The following XDH variants were observed in gnomAD, a reference collection of about 807,000 sequenced individuals.
XDH encodes xanthine dehydrogenase, also known as xanthine dehydrogenase/oxidase.
XDH carries 138 observed loss-of-function variants against 156.1 expected under a neutral mutation model. The ratio of observed to expected loss-of-function variants is 0.88; its 90% CI spans 0.77 to 1.02. XDH has a LOEUF of 1.02. Among genes scored for constraint, XDH ranks in the 50% least tolerant of loss-of-function variants. The pLI is 0.00. For synonymous variants in XDH, 669 were observed against 625.7 expected (o/e 1.07, Z -1.03); for missense variants, 1,849 against 1,684.9 (o/e 1.10, Z -1.71).
intron 24 of XDH, among the ~76,000 whole-genome samples, chr2:31,352,569 G>A (rs1685514162): frequency 6.6e-6 from 1 of 152,094 alleles, no homozygotes. Flanking sequence ...AATTTCTTGA[G>A]GGCAGAAACA....
intron 29 of XDH, 87 bp from the exon 30 acceptor site, chr2:31,346,930 C>T (rs1685312693): frequency 1.9e-6 from 3 of 1,557,514 alleles, no homozygotes; most frequent in Non-Finnish European, 2.7e-6. Context: ...AGCAAGGCTA[C>T]CTCCAAGCAA....
At chr2:31,357,467 C>T (rs1393877887) in intron 24 of XDH, among the ~76,000 whole-genome samples, 1 of 152,048 alleles carries the variant, frequency 6.6e-6, no homozygotes, top group African/African-American at 2.4e-5. Context: ...CGATTCTACA[C>T]ACATGAATTT....
intron 13 of XDH, 61 bp downstream of exon 13, chr2:31,379,806 G>A (rs974784595): frequency 2.0e-6 from 3 of 1,517,616 alleles, no homozygotes; most frequent in Admixed American, 3.3e-5. Flanking sequence ...TGATCTCTTT[G>A]TCTAGAGCCT....
chr2:31,368,519 C>A (rs1197435787), intron 19 of XDH, 22 bp downstream of exon 19: 3 of 1,523,130 alleles, frequency 2.0e-6, no homozygotes, highest in South Asian at 2.2e-5. Context: ...CTCCTCTACA[C>A]AGGCAGCCCA....
intron 6 of XDH, among the ~76,000 whole-genome samples, chr2:31,390,550 A>C (rs1686734436): frequency 6.6e-6 from 1 of 152,224 alleles, no homozygotes; most frequent in East Asian, 1.9e-4. Flanking sequence ...ACTGAGGTGC[A>C]TGATAAGACA....
At chr2:31,373,296 C>T (rs891622729) in intron 16 of XDH, among the ~76,000 whole-genome samples, 7 of 152,118 alleles carry the variant, frequency 4.6e-5, no homozygotes, top group African/African-American at 1.4e-4. Context: ...GTGCAGGGGG[C>T]AGTAAATTGT....
chr2:31,388,220 CACTT>C lies in XDH; in HGVS notation c.564+3_564+6del. 6.2e-7 allele frequency: 1 copy of C among 1,614,164 alleles called. No homozygotes were observed. Among genetic ancestry groups the C allele is most frequent in the Non-Finnish European group, 8.5e-7 (1 of 1,180,006 alleles). On this transcript the variant is annotated splice_donor_5th_base_variant and intron_variant, in intron 7 of 35. Transcript: ENST00000379416. ...CCAGGCTTCCAGGGGGAGAAGAACT[CACTT>C]ACTGAGTGGTCTTTCTTCTGGTTCA...
At position 31,383,488 on chromosome 2, in the gene XDH, C is replaced by A. The variant is rs532901871; in HGVS notation, c.886+267G>T. 5.9e-5 allele frequency among the ~76,000 whole-genome samples: 9 copies of A among 152,292 alleles called. No individual in the cohort carries two copies. The South Asian group carries it at 1.9e-3, about 32-fold the overall frequency. ...CACTCAGGCACAATCCCCACCTCCC[C>A]ACCCCCGCATGAGTGATTCTAATGT... On this transcript the variant is annotated intron_variant, in intron 10 of 35. Transcript: ENST00000379416.
intron 13 of XDH, 60 bp downstream of exon 13, chr2:31,379,807 T>A: frequency 6.6e-7 from 1 of 1,525,018 alleles, no homozygotes; most frequent in South Asian, 1.1e-5. Context: ...GATCTCTTTG[T>A]CTAGAGCCTG....
At chr2:31,409,374 T>C (rs968207190) in intron 1 of XDH, among the ~76,000 whole-genome samples, 2 of 152,238 alleles carry the variant, frequency 1.3e-5, no homozygotes, top group African/African-American at 4.8e-5. Flanking sequence ...ACACATTGCA[T>C]GCCTATATCA....
chr2:31,381,790 C>T, intron 11 of XDH, 64 bp from the exon 12 acceptor site: 3 of 1,459,214 alleles, frequency 2.1e-6, no homozygotes, highest in Admixed American at 3.8e-5. Context: ...ACGTAGCAGG[C>T]TCCTGAACAT....
chr2:31,336,903 T>G (rs1684983089), intron 35 of XDH, among the ~76,000 whole-genome samples: 1 of 148,448 alleles, frequency 6.7e-6, no homozygotes, highest in Non-Finnish European at 1.5e-5. Context: ...TTAAAGCCAC[T>G]GTACAGAGCC....
chr2:31,395,170 GA>G (rs1410669949), intron 6 of XDH, among the ~76,000 whole-genome samples: 1 of 151,926 alleles, frequency 6.6e-6, no homozygotes, highest in Non-Finnish European at 1.5e-5. Flanking sequence ...GTATTGGTAA[GA>G]TATGAAGGAG....
rs906330576 is a variant in XDH, at chr2:31,375,419, C to T, written c.1563G>A (p.Leu521=). 1 of 1,614,192 alleles carries T rather than the reference C, an allele frequency of 6.2e-7. No homozygotes were observed. Among genetic ancestry groups the T allele is most frequent in the East Asian group, 2.2e-5 (1 of 44,890 alleles). Reference sequence around the variant, plus strand: ...CTTGGCCCAGCTTCTGAAGGACTGTCAGGTAGAACTTGAAGAAGAAGCTGA... The same window carrying T: ...CTTGGCCCAGCTTCTGAAGGACTGTTAGGTAGAACTTGAAGAAGAAGCTGA... ...LTLSFFFKFY[L]TVLQKLGQEN... The change falls in exon 15 of 36, where the codon CTG becomes CTA. Residue 521 remains leucine (L), a synonymous_variant. Transcript: ENST00000379416.
intron 27 of XDH, among the ~76,000 whole-genome samples, 172 bp downstream of exon 27, chr2:31,348,727 G>A (rs1558678853): frequency 6.6e-6 from 1 of 152,208 alleles, no homozygotes; most frequent in Non-Finnish European, 1.5e-5. Flanking sequence ...CACTGCCCAT[G>A]ACCTACTGGA....
At chr2:31,399,551 G>A (rs1242546729) in intron 4 of XDH, among the ~76,000 whole-genome samples, 1 of 152,214 alleles carries the variant, frequency 6.6e-6, no homozygotes, top group Non-Finnish European at 1.5e-5. Flanking sequence ...AGGATTTTAG[G>A]TTGATTATAC....
In XDH at chr2:31,349,974, G is replaced by A. The variant is rs912173190; in HGVS notation, c.2823+58C>T. The stretch of plus-strand genomic sequence containing the variant: ...TGGGAGATGCCCAAGATACAAAGCC[G>A]CTGTCCCCCGAAGTAGTCTAAAGCA... On this transcript the variant is annotated intron_variant, in intron 25 of 35. Transcript: ENST00000379416. 5.6e-6 allele frequency: 9 copies of A among 1,611,758 alleles called. No individual in the cohort carries two copies. The South Asian group carries it at 6.6e-5, about 12-fold the overall frequency.
intron 6 of XDH, 127 bp downstream of exon 6, chr2:31,397,541 C>T: frequency 8.6e-7 from 1 of 1,159,286 alleles, no homozygotes; most frequent in East Asian, 2.3e-5. Context: ...AGAGGGAAGA[C>T]TCACTAACTG....
At chr2:31,344,764 G>T (rs1685235208) in intron 30 of XDH, 28 bp from the exon 31 acceptor site, 14 of 1,613,234 alleles carry the variant, frequency 8.7e-6, no homozygotes, top group Admixed American at 1.7e-5. Flanking sequence ...CCATCAGGCA[G>T]GTGAAGTGAG....
Sources: allele counts gnomAD v4.1 joint callset (sites outside exome capture counted in the v4.1 genomes callset), GRCh38; gene constraint gnomAD v4.1.1; transcripts MANE v1.5; gene names NCBI Gene and HGNC (gene_info 2026-07-23, HGNC 2026-07-21).